UBQLN1: variants seen among roughly 807,000 people sequenced by gnomAD.
The protein encoded by UBQLN1 is ubiquilin 1.
A neutral mutation model predicts 65.4 loss-of-function variants in UBQLN1; 13 were observed. That is an observed-to-expected ratio of 0.20 (90% CI 0.13 to 0.32). UBQLN1 has a LOEUF of 0.32. UBQLN1 is among the 10% of genes least tolerant of loss of function. The pLI is 1.00. For synonymous variants in UBQLN1, 267 were observed against 247.8 expected, an observed-to-expected ratio of 1.08 and a Z score of -0.73; for missense variants, 561 against 724.0, an observed-to-expected ratio of 0.77 and a Z score of 2.58.
intron 1 of UBQLN1, among the ~76,000 whole-genome samples, chr9:83,686,503 C>G (rs7035771): frequency 0.08 from 12,175 of 152,234 alleles, 1,590 homozygotes; most frequent in African/African-American, 0.28. Context: ...ATCTCTAACA[C>G]AAAGGTCCTA....
In UBQLN1 at chr9:83,683,810, T is replaced by TC. The variant is rs781245730; in HGVS notation, c.333-745dup. On this transcript the variant is annotated intron_variant, in intron 2 of 10. Coordinates refer to ENST00000376395, the MANE Select transcript of UBQLN1 (RefSeq NM_013438.5). ...GGCCGAGGCAGGCGATCAACTGAGG[T>TC]CAGGAGTTCAAGACCAGTCTGGCCA... Among the ~76,000 whole-genome samples, 19 of 152,172 alleles carry TC rather than the reference T, an allele frequency of 1.2e-4. No individual in the cohort carries two copies. The East Asian group carries it at 3.1e-3, about 25-fold the overall frequency.
At chr9:83,696,724 T>C (rs1832222023) in intron 1 of UBQLN1, among the ~76,000 whole-genome samples, 3 of 152,018 alleles carry the variant, frequency 2.0e-5, no homozygotes, top group Admixed American at 2.0e-4. Context: ...CAATAAATAC[T>C]TGTCTACTCA....
chr9:83,664,860 A>C (rs1831617403), intron 9 of UBQLN1, among the ~76,000 whole-genome samples, 170 bp downstream of exon 9: 1 of 144,882 alleles, frequency 6.9e-6, no homozygotes, highest in African/African-American at 2.5e-5. Context: ...TCGAGGCTGC[A>C]GTGAGCCACA....
At chr9:83,663,759 A>G in intron 10 of UBQLN1, 116 bp downstream of exon 10, 1 of 1,146,854 alleles carries the variant, frequency 8.7e-7, no homozygotes, top group South Asian at 1.7e-5. Flanking sequence ...ATTTTTCATT[A>G]ATCTAAACAC....
In UBQLN1 at chr9:83,677,828, G is replaced by C. The variant is rs1831864179; in HGVS notation, c.1004C>G (p.Ser335Cys). The change falls in exon 6 of 11, where the codon TCC (serine) becomes TGC (cysteine). Residue 335 changes from serine (S) to cysteine (C), a missense_variant. Ser to Cys is a moderately radical substitution (Grantham distance 112). Around this residue, in one of 8 missense-constraint regions of UBQLN1, gnomAD observed 89 missense variants for 77.8 expected, o/e 1.14. Transcript: ENST00000376395. ...APQTSQSSSA[S>C]SGTASTVGGT... ...ACCCACAGTGCTGGCAGTGCCGCTG[G>C]AAGCTGATGAACTCTGGGAAGTCTG... 1.9e-6 allele frequency: 3 copies of C among 1,614,094 alleles called. No individual in the cohort carries two copies. The highest frequency in any genetic ancestry group is 2.5e-6 in the Non-Finnish European group (3 of 1,180,026).
At chr9:83,663,636 T>C (rs1207345733) in intron 10 of UBQLN1, among the ~76,000 whole-genome samples, 1 of 152,212 alleles carries the variant, frequency 6.6e-6, no homozygotes, top group African/African-American at 2.4e-5. Context: ...AATAAGACTT[T>C]AGGTTGTAGC....
Position 83,687,912 on chromosome 9 carries a change from ATT to A in UBQLN1, c.181-1759_181-1758del, listed in dbSNP as rs371278505. ...AATATTTTGAAGCTTTTCCATCTGC[ATT>A]CTTTCCTTTATTTGAAATCCTATGA... On this transcript the variant is annotated intron_variant, in intron 1 of 10. Coordinates refer to ENST00000376395, the MANE Select transcript of UBQLN1 (RefSeq NM_013438.5). Among the ~76,000 whole-genome samples, 33 of 152,358 alleles carry A rather than the reference ATT, an allele frequency of 2.2e-4. No homozygotes were observed. In the East Asian group the frequency reaches 6.2e-3, roughly 28 times the overall value.
intron 1 of UBQLN1, among the ~76,000 whole-genome samples, chr9:83,701,974 T>C (rs1362938735): frequency 1.3e-5 from 2 of 152,242 alleles, no homozygotes; most frequent in East Asian, 1.9e-4. Flanking sequence ...TGGAATGTTA[T>C]TCGGCAATAA....
chr9:83,678,101 A>G, intron 5 of UBQLN1, 140 bp from the exon 6 acceptor site: 1 of 670,606 alleles, frequency 1.5e-6, no homozygotes, highest in South Asian at 2.1e-5. Context: ...GGCTCACTGC[A>G]AGCTCCGCCT....
At chr9:83,683,515 G>A (rs1331252980) in intron 2 of UBQLN1, among the ~76,000 whole-genome samples, 3 of 151,644 alleles carry the variant, frequency 2.0e-5, no homozygotes, top group African/African-American at 4.8e-5. Flanking sequence ...TAAAAAGCCT[G>A]AGAAAACTAA....
chr9:83,663,841 G>A, intron 10 of UBQLN1, 34 bp downstream of exon 10: 1 of 1,581,358 alleles, frequency 6.3e-7, no homozygotes, highest in East Asian at 2.2e-5. Context: ...CCAACATTAA[G>A]GAATACAAAA....
chr9:83,662,998 C>T lies in UBQLN1; in HGVS notation c.1617+877G>A, dbSNP rs113362574. Among the ~76,000 whole-genome samples the T allele has an allele frequency of 9.0e-3, 1,361 of 151,694 alleles. 22 individuals carry two copies. Among genetic ancestry groups the T allele is most frequent in the African/African-American group, 0.031 (1,299 of 41,302 alleles). On this transcript the variant is annotated intron_variant, in intron 10 of 10. Coordinates refer to ENST00000376395, the MANE Select transcript of UBQLN1 (RefSeq NM_013438.5). ...GGCTAAGGTGGGAGGATTGCTGCAG[C>T]CCAGGAGGTGCAGGTCGCAGTGAGC...
intron 6 of UBQLN1, among the ~76,000 whole-genome samples, chr9:83,676,099 G>A (rs1003607983): frequency 6.6e-6 from 1 of 152,154 alleles, no homozygotes; most frequent in Non-Finnish European, 1.5e-5. Flanking sequence ...TAGAGTAGGT[G>A]CTTACAGGAC....
intron 2 of UBQLN1, among the ~76,000 whole-genome samples, chr9:83,685,153 A>T (rs1379830775): frequency 1.4e-5 from 2 of 139,456 alleles, no homozygotes; most frequent in African/African-American, 4.9e-5. Flanking sequence ...CCAAAATAGA[A>T]GGAATATGTT....
At chr9:83,685,402 C>T (rs935675342) in intron 2 of UBQLN1, among the ~76,000 whole-genome samples, 2 of 152,144 alleles carry the variant, frequency 1.3e-5, no homozygotes, top group Non-Finnish European at 2.9e-5. Flanking sequence ...CCATGTAAGT[C>T]TAAAGGAGCT....
intron 1 of UBQLN1, among the ~76,000 whole-genome samples, chr9:83,691,115 G>A (rs1171059612): frequency 6.6e-6 from 1 of 151,958 alleles, no homozygotes; most frequent in Non-Finnish European, 1.5e-5. Context: ...TCCAGCCTGG[G>A]TGACAGAGAG....
intron 1 of UBQLN1, among the ~76,000 whole-genome samples, chr9:83,706,284 T>C (rs1832405098): frequency 6.6e-6 from 1 of 152,246 alleles, no homozygotes; most frequent in Admixed American, 6.5e-5. Flanking sequence ...AAAATGCTAA[T>C]TGTAGATGAT....
At chr9:83,668,225 A>AT (rs1423548945) in intron 7 of UBQLN1, 44 of 984,982 alleles carry the variant, frequency 4.5e-5, no homozygotes, top group Non-Finnish European at 5.2e-5. Flanking sequence ...TGGTGAGGGC[A>AT]TAAGTTATTA....
chr9:83,670,868 C>T (rs568493022), intron 6 of UBQLN1, among the ~76,000 whole-genome samples: 1 of 152,304 alleles, frequency 6.6e-6, no homozygotes, highest in Admixed American at 6.5e-5. Context: ...TCTCAAGAAA[C>T]CACTCTTTGC....
Sources: gnomAD v4.1 joint callset for allele counts (sites outside exome capture counted in the v4.1 genomes callset) on GRCh38, gnomAD v4.1.1 for gene constraint, gnomAD v4.1.1 regional missense constraint, MANE v1.5 for transcripts, NCBI Gene and HGNC (gene_info 2026-07-23, HGNC 2026-07-21) for gene names.